FRMD4A: variants seen among roughly 807,000 people sequenced by gnomAD.
FRMD4A encodes FERM domain-containing protein 4A.
In FRMD4A, 29 loss-of-function variants were observed where a neutral mutation model predicts 129.1. The ratio of observed to expected loss-of-function variants is 0.22; its 90% CI spans 0.17 to 0.31. FRMD4A has a LOEUF of 0.31. Ranked by LOEUF, FRMD4A falls within the 10% of genes least tolerant of loss-of-function variation. The pLI is 1.00. For missense variants in FRMD4A, 1,272 were observed against 1,375.8 expected (o/e 0.92, Z 1.19); for synonymous variants, 634 against 571.6 (o/e 1.11, Z -1.56).
intron 2 of FRMD4A, among the ~76,000 whole-genome samples, chr10:14,124,762 G>T (rs75459813): frequency 0.028 from 4,193 of 152,256 alleles, 183 homozygotes; most frequent in African/African-American, 0.096. Flanking sequence ...AATCAAGATT[G>T]CAACCCAGGG....
chr10:13,774,849 C>T (rs1307416934), intron 6 of FRMD4A, among the ~76,000 whole-genome samples: 3 of 150,968 alleles, frequency 2.0e-5, no homozygotes, highest in East Asian at 3.9e-4. Flanking sequence ...ATAATGATAA[C>T]TAATATTATC....
chr10:13,755,258 T>C lies in FRMD4A; in HGVS notation c.464+6389A>G, dbSNP rs1185655249. 3.3e-5 allele frequency among the ~76,000 whole-genome samples: 5 copies of C among 152,344 alleles called. 1 individual carries two copies. Among genetic ancestry groups the C allele is most frequent in the African/African-American group, 9.6e-5 (4 of 41,582 alleles). On this transcript the variant is annotated intron_variant, in intron 8 of 24. Coordinates refer to ENST00000357447, the MANE Select transcript of FRMD4A (RefSeq NM_018027.5). ...CTGTGACTTCCCAAAAGGCACCCTC[T>C]GGCCTGGCAAAAAAGACTTACAAAC... is the stretch of plus-strand genomic sequence containing the variant.
chr10:13,683,539 C>T (rs2084800138), intron 15 of FRMD4A, among the ~76,000 whole-genome samples: 1 of 151,996 alleles, frequency 6.6e-6, no homozygotes, highest in Admixed American at 6.5e-5. Flanking sequence ...TGAGAGTACA[C>T]TGAGCTATGC....
intron 12 of FRMD4A, among the ~76,000 whole-genome samples, chr10:13,720,974 G>A (rs2089356831): frequency 6.6e-6 from 1 of 152,176 alleles, no homozygotes; most frequent in African/African-American, 2.4e-5. Context: ...AGCCAGACAC[G>A]AATGGCCACA....
At chr10:14,236,252 C>T (rs904566461) in intron 2 of FRMD4A, among the ~76,000 whole-genome samples, 7 of 152,220 alleles carry the variant, frequency 4.6e-5, no homozygotes, top group Admixed American at 1.3e-4. Flanking sequence ...CCTGGGCAGA[C>T]CATCCCATCA....
chr10:14,092,083 T>C (rs1464675255), intron 2 of FRMD4A, among the ~76,000 whole-genome samples: 1 of 152,194 alleles, frequency 6.6e-6, no homozygotes, highest in Non-Finnish European at 1.5e-5. Flanking sequence ...CAAGGTCATT[T>C]TCTACCCCGA....
intron 5 of FRMD4A, among the ~76,000 whole-genome samples, chr10:13,788,265 C>T (rs1272047927): frequency 6.6e-6 from 1 of 152,184 alleles, no homozygotes; most frequent in African/African-American, 2.4e-5. Flanking sequence ...ATTTCCCTGC[C>T]CTCACCACCC....
chr10:13,709,687 T>A (rs2087819206), intron 12 of FRMD4A, among the ~76,000 whole-genome samples: 1 of 152,212 alleles, frequency 6.6e-6, no homozygotes, highest in Non-Finnish European at 1.5e-5. Flanking sequence ...TCAGCCGCTA[T>A]CCTGCACCCG....
intron 2 of FRMD4A, among the ~76,000 whole-genome samples, chr10:14,222,861 G>A (rs1564397871): frequency 6.6e-6 from 1 of 152,140 alleles, no homozygotes; most frequent in Non-Finnish European, 1.5e-5. Flanking sequence ...CTGAAGGCAG[G>A]CAGATCACCT....
intron 15 of FRMD4A, chr10:13,685,728 AG>A: frequency 1.4e-6 from 1 of 718,348 alleles, no homozygotes; most frequent in Non-Finnish European, 1.7e-6. Flanking sequence ...GGATCGCTTA[AG>A]CCCAGGAGTT....
intron 6 of FRMD4A, among the ~76,000 whole-genome samples, chr10:13,764,522 C>CAAAT: frequency 6.6e-6 from 1 of 151,634 alleles, no homozygotes; most frequent in East Asian, 1.9e-4. Context: ...AACAAACAAA[C>CAAAT]AAACAAACAA....
intron 2 of FRMD4A, chr10:14,326,700 A>G (rs1008395846): frequency 7.6e-6 from 3 of 396,826 alleles, no homozygotes; most frequent in African/African-American, 6.2e-5. Flanking sequence ...CTCTAAAGAT[A>G]AACTAATCCT....
chr10:13,843,360 G>A (rs899443347), intron 3 of FRMD4A, among the ~76,000 whole-genome samples: 2 of 152,188 alleles, frequency 1.3e-5, no homozygotes, highest in African/African-American at 4.8e-5. Context: ...CTGTGTGAGT[G>A]TGAGTGACTG....
At chr10:14,290,977 T>C (rs1221557394) in intron 2 of FRMD4A, among the ~76,000 whole-genome samples, 3 of 152,106 alleles carry the variant, frequency 2.0e-5, no homozygotes, top group Non-Finnish European at 4.4e-5. Flanking sequence ...ATTTCAGGAA[T>C]GTGGGAGTTA....
chr10:13,818,190 G>A (rs192426239), intron 3 of FRMD4A, among the ~76,000 whole-genome samples: 1 of 152,054 alleles, frequency 6.6e-6, no homozygotes, highest in East Asian at 1.9e-4. Context: ...TTAGATACAG[G>A]GACTTATTCT....
At chr10:14,269,502 G>T (rs746477541) in intron 2 of FRMD4A, among the ~76,000 whole-genome samples, 2 of 151,886 alleles carry the variant, frequency 1.3e-5, no homozygotes, top group Non-Finnish European at 2.9e-5. Context: ...TCCTTGGCTC[G>T]TGGCCCCTTC....
intron 2 of FRMD4A, among the ~76,000 whole-genome samples, chr10:14,284,160 T>A (rs562685543): frequency 2.0e-5 from 3 of 152,290 alleles, no homozygotes; most frequent in African/African-American, 7.2e-5. Flanking sequence ...CCGCAGAGGC[T>A]GGTAAATAGC....
At chr10:13,791,450 T>G (rs890325932) in intron 5 of FRMD4A, among the ~76,000 whole-genome samples, 1 of 89,294 alleles carries the variant, frequency 1.1e-5, no homozygotes, top group East Asian at 4.0e-4. Flanking sequence ...CGGGTGGGTG[T>G]GTGTGTGAGA....
chr10:14,100,162 G>A (rs1225407787), intron 2 of FRMD4A, among the ~76,000 whole-genome samples: 3 of 152,126 alleles, frequency 2.0e-5, no homozygotes, highest in Middle Eastern at 3.2e-3. Context: ...CCACTGTCTC[G>A]ATTTCCAGTG....
Sources: gnomAD v4.1 joint callset for allele counts (sites outside exome capture counted in the v4.1 genomes callset) on GRCh38, gnomAD v4.1.1 for gene constraint, MANE v1.5 for transcripts, NCBI Gene and HGNC (gene_info 2026-07-23, HGNC 2026-07-21) for gene names.